ABCA13: variants seen among roughly 807,000 people sequenced by gnomAD.
The protein encoded by ABCA13 is ATP-binding cassette sub-family A member 13.
In ABCA13, 476 loss-of-function variants were observed where a neutral mutation model predicts 478.7. That is an observed-to-expected ratio of 0.99 (90% CI 0.92 to 1.07). The LOEUF (loss-of-function observed/expected upper bound fraction) is 1.07. Among genes scored for constraint, ABCA13 ranks in the 50% least tolerant of loss-of-function variants. The pLI, the probability that ABCA13 is intolerant of heterozygous loss-of-function variation, is 0.00. For synonymous variants in ABCA13, 2,252 were observed against 2,158.9 expected (o/e 1.04, Z -1.20); for missense variants, 6,060 against 5,910.6 (o/e 1.03, Z -0.83).
At chr7:48,594,859 AACAAAGGTTAAGAAGTGCATTTAGGT>A (rs1336550695) in intron 58 of ABCA13, 46 bp downstream of exon 58, 1 of 1,549,742 alleles carries the variant, frequency 6.5e-7, no homozygotes, top group Non-Finnish European at 8.9e-7. Flanking sequence ...AAGACTGAGT[AACAAAGGTTAAGAAGTGCATTTAGGT>A]ACCTGCACAG....
chr7:48,343,072 G>A (rs899355404), intron 29 of ABCA13, among the ~76,000 whole-genome samples: 7 of 150,140 alleles, frequency 4.7e-5, no homozygotes, highest in Non-Finnish European at 5.9e-5. Flanking sequence ...TGTCTTTTGT[G>A]GGTATTTTTT....
chr7:48,491,004 A>G (rs1458079328), intron 48 of ABCA13, among the ~76,000 whole-genome samples: 1 of 152,194 alleles, frequency 6.6e-6, no homozygotes, highest in African/African-American at 2.4e-5. Flanking sequence ...AGATGGGAGA[A>G]AAGATTGAGG....
Position 48,229,486 on chromosome 7 carries a change from C to T in ABCA13, c.633-339C>T, listed in dbSNP as rs528053765. 1.4e-4 allele frequency among the ~76,000 whole-genome samples: 21 copies of T among 152,306 alleles called. No homozygotes were observed. In the South Asian group the frequency reaches 2.5e-3, roughly 18 times the overall value. On this transcript the variant is annotated intron_variant, in intron 6 of 61. Coordinates refer to ENST00000435803, the MANE Select transcript of ABCA13 (RefSeq NM_152701.5). Reference sequence around the variant, plus strand: ...AGCAGCCCTTTGCACCCTGGCTGGCCTCATCAGCTGCCCTGCGGCAGGAAG... The same window carrying T: ...AGCAGCCCTTTGCACCCTGGCTGGCTTCATCAGCTGCCCTGCGGCAGGAAG...
chr7:48,412,383 G>T lies in ABCA13; in HGVS notation c.12259G>T (p.Asp4087Tyr), dbSNP rs1469185233. The T allele has an allele frequency of 1.9e-6, 3 of 1,613,084 alleles. No homozygotes were observed. The highest frequency in any genetic ancestry group is 1.3e-5 in the African/African-American group (1 of 74,784). ...TGTTCTGGAGGCCCATGATCTGAAA[G>T]ACATGGCTTGTGTTACATCCCTGAT... Reference protein sequence around the residue: ...PSVLEAHDLKDMACVTSLIKI... With the variant: ...PSVLEAHDLKYMACVTSLIKI... Residue 4087 changes from aspartate (D) to tyrosine (Y), a missense_variant, in exon 41 of 62, where the codon GAC becomes TAC. By Grantham distance (160) the Asp-to-Tyr change is radical. Coordinates refer to ENST00000435803, the MANE Select transcript of ABCA13 (RefSeq NM_152701.5).
At chr7:48,351,826 C>A (rs936924369) in intron 30 of ABCA13, among the ~76,000 whole-genome samples, 1 of 152,150 alleles carries the variant, frequency 6.6e-6, no homozygotes. Context: ...TGATAAGTAA[C>A]CCCAAAGAGA....
chr7:48,597,101 G>GTCCA (rs1790371902), intron 58 of ABCA13, among the ~76,000 whole-genome samples: 8 of 151,866 alleles, frequency 5.3e-5, no homozygotes, highest in Admixed American at 5.3e-4. Context: ...ACAGGCACCT[G>GTCCA]CCACCAAGCC....
chr7:48,438,001 G>A (rs10275998), intron 42 of ABCA13, among the ~76,000 whole-genome samples: 45,232 of 151,768 alleles, frequency 0.3, 6,823 homozygotes, highest in East Asian at 0.38. Context: ...GCACCCATAC[G>A]CCTGCACTCC....
rs183656529 is a variant in ABCA13, at chr7:48,624,015, A to G, written c.14837+8638A>G. The stretch of plus-strand genomic sequence containing the variant: ...TTGTCATATGCTATGAAAGAGCCCT[A>G]TATGGTATAGAGATTCATGAGTTTA... On this transcript the variant is annotated intron_variant, in intron 59 of 61. Coordinates refer to ENST00000435803, the MANE Select transcript of ABCA13 (RefSeq NM_152701.5). Among the ~76,000 whole-genome samples the G allele has an allele frequency of 9.2e-5, 14 of 151,916 alleles. No individual in the cohort carries two copies. In the East Asian group the frequency reaches 2.1e-3, roughly 23 times the overall value.
chr7:48,356,418 C>G (rs1430027270), intron 31 of ABCA13, among the ~76,000 whole-genome samples: 2 of 149,392 alleles, frequency 1.3e-5, no homozygotes, highest in Admixed American at 1.3e-4. Flanking sequence ...AAGATGCTAC[C>G]TGGGGAATAG....
intron 5 of ABCA13, among the ~76,000 whole-genome samples, chr7:48,225,135 G>GCCTGCCTTCCTTCCTTCCTTCCTT (rs1312566145): frequency 1.7e-4 from 12 of 69,890 alleles, no homozygotes; most frequent in Non-Finnish European, 1.8e-4. Flanking sequence ...CTGCCTGCCT[G>GCCTGCCTTCCTTCCTTCCTTCCTT]CCTTCCTTCC....
Position 48,279,861 on chromosome 7 carries a change from C to T in ABCA13, c.8667C>T (p.Tyr2889=), listed in dbSNP as rs760272174. Residue 2889 remains tyrosine, a synonymous_variant, in exon 18 of 62, where the codon TAC becomes TAT. Coordinates refer to ENST00000435803, the MANE Select transcript of ABCA13 (RefSeq NM_152701.5). ...SFKPFFCLEK[Y]LGGLFVLTKY... is the part of the protein sequence containing the mutation. Reference sequence around the variant, plus strand: ...AACCATTTTTCTGTTTGGAGAAATACCTGGGAGGATTATTTGTATTGACTA... The same window carrying T: ...AACCATTTTTCTGTTTGGAGAAATATCTGGGAGGATTATTTGTATTGACTA... The T allele has an allele frequency of 8.4e-6, 13 of 1,553,696 alleles. No individual in the cohort carries two copies. The East Asian group carries it at 2.9e-4, about 35-fold the overall frequency.
intron 3 of ABCA13, among the ~76,000 whole-genome samples, chr7:48,201,946 A>C (rs910240632): frequency 7.9e-5 from 12 of 151,742 alleles, no homozygotes; most frequent in African/African-American, 2.9e-4. Flanking sequence ...CTCAGGAGTG[A>C]AGCTGCAGAC....
chr7:48,420,228 T>C (rs1416093497), intron 41 of ABCA13, among the ~76,000 whole-genome samples: 1 of 152,226 alleles, frequency 6.6e-6, no homozygotes, highest in African/African-American at 2.4e-5. Context: ...ATACACTTAC[T>C]ATAAATTATG....
At chr7:48,637,381 CAAAAAAAAA>C (rs1156643955) in intron 59 of ABCA13, among the ~76,000 whole-genome samples, 16 of 20,258 alleles carry the variant, frequency 7.9e-4, no homozygotes, top group Admixed American at 4.1e-3. Flanking sequence ...GTTCATAAAG[CAAAAAAAAA>C]AAAAAAAAAA....
At chr7:48,370,937 T>C (rs1407526368) in intron 32 of ABCA13, among the ~76,000 whole-genome samples, 1 of 152,158 alleles carries the variant, frequency 6.6e-6, no homozygotes, top group Non-Finnish European at 1.5e-5. Context: ...CTTTACTCCA[T>C]CTTGAGTTAA....
At chr7:48,311,901 C>T (rs544479651) in intron 24 of ABCA13, among the ~76,000 whole-genome samples, 1 of 152,310 alleles carries the variant, frequency 6.6e-6, no homozygotes, top group Non-Finnish European at 1.5e-5. Flanking sequence ...ATTAATTCGG[C>T]ACATCAATCT....
chr7:48,546,921 A>G (rs888942803), intron 55 of ABCA13, among the ~76,000 whole-genome samples: 1 of 151,778 alleles, frequency 6.6e-6, no homozygotes, highest in Non-Finnish European at 1.5e-5. Flanking sequence ...AACCTCACCA[A>G]CTAGCAACTA....
intron 17 of ABCA13, among the ~76,000 whole-genome samples, chr7:48,277,662 A>G (rs1371478373): frequency 1.3e-5 from 2 of 152,202 alleles, no homozygotes; most frequent in Non-Finnish European, 2.9e-5. Context: ...TGTTTAGCCT[A>G]GTCATGTTGA....
At chr7:48,547,361 C>G (rs1290207761) in intron 55 of ABCA13, among the ~76,000 whole-genome samples, 1 of 151,872 alleles carries the variant, frequency 6.6e-6, no homozygotes, top group African/African-American at 2.4e-5. Context: ...CAAAGTATCT[C>G]TTAGCTGAAA....
Sources: gnomAD v4.1 joint callset for allele counts (sites outside exome capture counted in the v4.1 genomes callset) on GRCh38, gnomAD v4.1.1 for gene constraint, MANE v1.5 for transcripts, NCBI Gene and HGNC (gene_info 2026-07-23, HGNC 2026-07-21) for gene names.